DIP2A: variants seen among roughly 807,000 people sequenced by gnomAD.
DIP2A encodes the protein DIP2 acetate--CoA ligase A, also known as disco-interacting protein 2 homolog A.
DIP2A carries 85 observed loss-of-function variants against 177.4 expected under a neutral mutation model. The ratio of observed to expected loss-of-function variants is 0.48; its 90% CI spans 0.40 to 0.57. DIP2A has a LOEUF of 0.57. Among genes scored for constraint, DIP2A ranks in the 20% least tolerant of loss-of-function variants. DIP2A has a pLI of 0.00. For synonymous variants in DIP2A, 886 were observed against 881.8 expected, an observed-to-expected ratio of 1.00 and a Z score of -0.08; for missense variants, 1,791 against 2,100.2, an observed-to-expected ratio of 0.85 and a Z score of 2.88.
At chr21:46,562,347 A>G (rs2060694463) in intron 34 of DIP2A, among the ~76,000 whole-genome samples, 1 of 152,202 alleles carries the variant, frequency 6.6e-6, no homozygotes, top group Admixed American at 6.5e-5. Context: ...GAAGGGTTCA[A>G]AGGAAGGAGG....
the DIP2A span, among the ~76,000 whole-genome samples, chr21:46,578,157 C>A: frequency 6.6e-6 from 1 of 152,048 alleles, no homozygotes; most frequent in Non-Finnish European, 1.5e-5. Context: ...AGTAAAAATA[C>A]AAAAATTAGC....
intron 10 of DIP2A, among the ~76,000 whole-genome samples, chr21:46,532,788 T>C (rs550499297): frequency 6.6e-6 from 1 of 152,298 alleles, no homozygotes; most frequent in African/African-American, 2.4e-5. Context: ...CTGATCTAGG[T>C]ATCTGTAACA....
Position 46,551,831 on chromosome 21 carries a change from T to A in DIP2A, c.2957T>A (p.Phe986Tyr). 1 of 1,612,864 alleles carries A rather than the reference T, an allele frequency of 6.2e-7. No homozygotes were observed. ...EDSDQARKFL[F>Y]LADVLQWRAH... ...AGTCGCCCTCTCGTGCAGTTCCTGT[T>A]CCTGGCTGACGTGCTGCAGTGGCGT... is the stretch of plus-strand genomic sequence containing the variant. The change falls in exon 25 of 38, where the codon TTC becomes TAC. Residue 986 changes from phenylalanine (F) to tyrosine (Y), a missense_variant. Coordinates refer to ENST00000417564, the MANE Select transcript of DIP2A (RefSeq NM_015151.4).
chr21:46,581,083 T>A, the DIP2A span, among the ~76,000 whole-genome samples: 1 of 152,240 alleles, frequency 6.6e-6, no homozygotes, highest in Non-Finnish European at 1.5e-5. Flanking sequence ...GGTACCCCAA[T>A]CAGTTGTAGG....
chr21:46,509,921 G>T (rs984496034), intron 7 of DIP2A, among the ~76,000 whole-genome samples: 1 of 152,136 alleles, frequency 6.6e-6, no homozygotes, highest in Non-Finnish European at 1.5e-5. Flanking sequence ...TGACACTGCT[G>T]ACAGCCGACC....
chr21:46,497,296 T>C (rs2057411873), intron 4 of DIP2A, among the ~76,000 whole-genome samples, 189 bp downstream of exon 4: 2 of 152,380 alleles, frequency 1.3e-5, no homozygotes, highest in Middle Eastern at 3.4e-3. Flanking sequence ...CATAGTATTC[T>C]TACCCAAATG....
intron 1 of DIP2A, among the ~76,000 whole-genome samples, chr21:46,461,290 AAAAG>A: frequency 6.7e-6 from 1 of 149,042 alleles, no homozygotes. Context: ...AAAAAAAAAA[AAAAG>A]GAAAGAAATG....
intron 1 of DIP2A, among the ~76,000 whole-genome samples, chr21:46,464,844 T>TTTTTTTTTTTTTTTTCCC (rs58546395): frequency 1.8e-5 from 2 of 111,218 alleles, no homozygotes; most frequent in African/African-American, 8.4e-5. Context: ...TTTTTTTTTT[T>TTTTTTTTTTTTTTTTCCC]CAAGAAAACA....
intron 5 of DIP2A, among the ~76,000 whole-genome samples, chr21:46,502,292 T>C (rs1260966096): frequency 1.6e-5 from 2 of 127,446 alleles, no homozygotes; most frequent in South Asian, 4.9e-4. Context: ...TCCACCACCA[T>C]GCCCAGCTAA....
At position 46,534,678 on chromosome 21, in the gene DIP2A, T is replaced by G; in HGVS notation, c.1633T>G (p.Tyr545Asp). The G allele has an allele frequency of 1.2e-6, 2 of 1,608,836 alleles. No individual in the cohort carries two copies. Among genetic ancestry groups the G allele is most frequent in the Non-Finnish European group, 1.7e-6 (2 of 1,179,688 alleles). The change falls in exon 13 of 38, where the codon TAC (tyrosine) becomes GAC (aspartate). Residue 545 changes from tyrosine (Y) to aspartate (D), a missense_variant. Coordinates refer to ENST00000417564, the MANE Select transcript of DIP2A (RefSeq NM_015151.4). ...QCRALTQACG[Y>D]SEAETLTNVL... ...CCGGGCTCTGACCCAGGCGTGCGGG[T>G]ACTCAGAAGGTAAGGGCTCTCGGGG...
intron 1 of DIP2A, among the ~76,000 whole-genome samples, chr21:46,477,735 A>C (rs926799534): frequency 4.4e-5 from 6 of 137,254 alleles, no homozygotes; most frequent in Non-Finnish European, 9.7e-5. Flanking sequence ...CATCACACCC[A>C]GCTAATTTTT....
At chr21:46,489,995 G>A (rs2056914564) in intron 2 of DIP2A, among the ~76,000 whole-genome samples, 1 of 152,200 alleles carries the variant, frequency 6.6e-6, no homozygotes, top group Non-Finnish European at 1.5e-5. Flanking sequence ...TGGAGGCGGA[G>A]CAAGTGGGTG....
At chr21:46,504,803 G>A (rs1468441022) in intron 6 of DIP2A, among the ~76,000 whole-genome samples, 3 of 152,192 alleles carry the variant, frequency 2.0e-5, no homozygotes, top group Non-Finnish European at 2.9e-5. Flanking sequence ...GCTGTGGGAA[G>A]TTTCTTTATT....
rs768004401 is a variant in DIP2A, at chr21:46,533,666, A to C, written c.1429+19A>C. On this transcript the variant is annotated intron_variant, in intron 11 of 37. Coordinates refer to ENST00000417564, the MANE Select transcript of DIP2A (RefSeq NM_015151.4). ...TTCAAAGGTGAGGCCTCCCAAGGGA[A>C]GGGGAGTCAGTGTTCTGACTGTGGT... The C allele has an allele frequency of 6.2e-7, 1 of 1,613,924 alleles. No individual in the cohort carries two copies. The highest frequency in any genetic ancestry group is 8.5e-7 in the Non-Finnish European group (1 of 1,179,830).
chr21:46,543,830 C>A (rs1031623374), intron 18 of DIP2A, among the ~76,000 whole-genome samples: 12 of 152,152 alleles, frequency 7.9e-5, no homozygotes, highest in Admixed American at 5.9e-4. Context: ...CAAGCACCAC[C>A]TTCCACATCA....
chr21:46,510,346 A>G (rs1234612682), intron 7 of DIP2A, among the ~76,000 whole-genome samples: 1 of 152,154 alleles, frequency 6.6e-6, no homozygotes, highest in African/African-American at 2.4e-5. Context: ...TGCCTTTCCC[A>G]GTCCACTGAC....
downstream of DIP2A, among the ~76,000 whole-genome samples, chr21:46,570,455 A>G (rs1041093005): frequency 1.3e-4 from 20 of 152,166 alleles, no homozygotes; most frequent in Non-Finnish European, 1.3e-4. Flanking sequence ...GGCAGTCCTT[A>G]TGGTCAAGTT....
At chr21:46,465,717 C>T (rs2054763538) in intron 1 of DIP2A, among the ~76,000 whole-genome samples, 2 of 152,022 alleles carry the variant, frequency 1.3e-5, no homozygotes, top group South Asian at 2.1e-4. Context: ...GCTGCTTTCA[C>T]TTAAACAGAC....
chr21:46,546,070 A>G, intron 20 of DIP2A, 109 bp downstream of exon 20: 2 of 1,578,206 alleles, frequency 1.3e-6, no homozygotes, highest in Middle Eastern at 1.7e-4. Context: ...CTGACCTCCC[A>G]TGTGGCCTTG....
Sources: gnomAD v4.1 joint callset for allele counts (sites outside exome capture counted in the v4.1 genomes callset) on GRCh38, gnomAD v4.1.1 for gene constraint, MANE v1.5 for transcripts, NCBI Gene and HGNC (gene_info 2026-07-23, HGNC 2026-07-21) for gene names.